Variants in CPNE1 observed in about 807,000 individuals in gnomAD.
The protein encoded by CPNE1 is copine 1.
In CPNE1, 58 loss-of-function variants were observed where a neutral mutation model predicts 63.2. The ratio of observed to expected loss-of-function variants is 0.92; its 90% CI spans 0.74 to 1.14. CPNE1 has a LOEUF of 1.14. Ranked by LOEUF, CPNE1 falls within the 50% of genes most tolerant of loss-of-function variation. The pLI, the probability that CPNE1 is intolerant of heterozygous loss-of-function variation, is 0.00. For missense variants in CPNE1, 672 were observed against 661.7 expected (o/e 1.02, Z -0.17); for synonymous variants, 237 against 249.0 (o/e 0.95, Z 0.45).
chr20:35,640,622 C>G (rs1452632638), intron 1 of CPNE1, among the ~76,000 whole-genome samples: 1 of 152,064 alleles, frequency 6.6e-6, no homozygotes, highest in Non-Finnish European at 1.5e-5. Flanking sequence ...CCAACAAAAC[C>G]CCAATTCTTA....
At chr20:35,658,122 G>C (rs1177647201) in intron 1 of CPNE1, among the ~76,000 whole-genome samples, 1 of 152,034 alleles carries the variant, frequency 6.6e-6, no homozygotes, top group Non-Finnish European at 1.5e-5. Flanking sequence ...CTGTTACTAA[G>C]TAACTGTTTG....
At chr20:35,629,132 G>A (rs1315775173) in intron 13 of CPNE1, among the ~76,000 whole-genome samples, 1 of 152,142 alleles carries the variant, frequency 6.6e-6, no homozygotes, top group Non-Finnish European at 1.5e-5. Flanking sequence ...TGAGAAAAGA[G>A]AAAACAAATG....
chr20:35,640,113 G>C (rs1389285967), intron 1 of CPNE1, among the ~76,000 whole-genome samples: 5 of 143,086 alleles, frequency 3.5e-5, no homozygotes, highest in Non-Finnish European at 7.7e-5. Context: ...TTTCTCATTG[G>C]AATCAACTCT....
chr20:35,646,128 TAAAAAA>T (rs111736754), intron 1 of CPNE1, among the ~76,000 whole-genome samples: 1 of 133,446 alleles, frequency 7.5e-6, no homozygotes, highest in African/African-American at 2.7e-5. Context: ...ACAAAAAAAT[TAAAAAA>T]AAAAAAAAAT....
rs190206510 is a variant in CPNE1 at position 35,626,811 on chromosome 20, C to G, written c.1237-8G>C. On this transcript the variant is annotated splice_polypyrimidine_tract_variant and splice_region_variant and intron_variant, in intron 14 of 15. Transcript: ENST00000397443. ...CAACAGCATGAAGTATTGCTGGGGACAAGCCCATTCATGTCCTGAAGCAGA... is the reference window on the plus strand; with the variant it reads ...CAACAGCATGAAGTATTGCTGGGGAGAAGCCCATTCATGTCCTGAAGCAGA... 6.2e-7 allele frequency: 1 copy of G among 1,608,282 alleles called. No homozygotes were observed. Among genetic ancestry groups the G allele is most frequent in the Non-Finnish European group, 8.5e-7 (1 of 1,174,730 alleles).
intron 1 of CPNE1, among the ~76,000 whole-genome samples, chr20:35,645,946 C>T (rs1248261951): frequency 2.0e-5 from 3 of 151,756 alleles, no homozygotes; most frequent in African/African-American, 7.3e-5. Flanking sequence ...GATTTAAAAC[C>T]TTTTAAGAAA....
At chr20:35,664,498 C>G (rs1453821101) in intron 1 of CPNE1, 1 of 152,316 alleles carries the variant, frequency 6.6e-6, no homozygotes, top group Non-Finnish European at 1.5e-5. Context: ...TGGCCTGCCC[C>G]CTCTCAGACC....
chr20:35,646,960 C>T (rs994081854), intron 1 of CPNE1, among the ~76,000 whole-genome samples: 1 of 152,020 alleles, frequency 6.6e-6, no homozygotes, highest in Non-Finnish European at 1.5e-5. Context: ...TGCCATTTAC[C>T]ACTTCTCTAT....
intron 1 of CPNE1, among the ~76,000 whole-genome samples, chr20:35,658,539 T>C (rs1047191256): frequency 8.3e-4 from 127 of 152,100 alleles, no homozygotes; most frequent in African/African-American, 2.9e-3. Context: ...GGCAGGTGGA[T>C]CACAAGGTCA....
chr20:35,633,028 G>C, intron 1 of CPNE1, 105 bp from the exon 2 acceptor site: 2 of 771,268 alleles, frequency 2.6e-6, no homozygotes, highest in Non-Finnish European at 2.2e-6. Flanking sequence ...AGGCAGGGCT[G>C]AGCATACGTC....
At chr20:35,658,479 C>T (rs769295658) in intron 1 of CPNE1, among the ~76,000 whole-genome samples, 5 of 152,096 alleles carry the variant, frequency 3.3e-5, no homozygotes, top group South Asian at 2.1e-4. Context: ...AAAACCACAC[C>T]GGCCTGGGTG....
intron 12 of CPNE1, 116 bp downstream of exon 12, chr20:35,630,625 C>G (rs1335559985): frequency 4.8e-6 from 7 of 1,451,670 alleles, no homozygotes; most frequent in Non-Finnish European, 6.8e-6. Context: ...CTGCAGGAAT[C>G]CAACCCTGCA....
chr20:35,644,159 A>G (rs2032982069), intron 1 of CPNE1, among the ~76,000 whole-genome samples: 1 of 152,162 alleles, frequency 6.6e-6, no homozygotes, highest in African/African-American at 2.4e-5. Context: ...GTAAGTACCC[A>G]GTGTCAACTG....
chr20:35,631,716 C>A lies in CPNE1; in HGVS notation c.599G>T (p.Cys200Phe). The A allele has an allele frequency of 6.2e-7, 1 of 1,614,112 alleles. No homozygotes were observed. Among genetic ancestry groups the A allele is most frequent in the South Asian group, 1.1e-5 (1 of 91,086 alleles). ...KRFSVPVQHF[C>F]GGNPSTPIQV... Reference sequence around the variant, plus strand: ...GATGGGTGTGCTGGGGTTCCCACCACAGAAATGCTGAACGGGGACTGAGAA... The same window carrying A: ...GATGGGTGTGCTGGGGTTCCCACCAAAGAAATGCTGAACGGGGACTGAGAA... The change falls in exon 7 of 16, where the codon TGT becomes TTT. Residue 200 changes from cysteine to phenylalanine, a missense_variant. Physicochemically the swap from Cys to Phe is radical, Grantham distance 205 (BLOSUM62 -2). Coordinates refer to ENST00000397443, the MANE Select transcript of CPNE1 (RefSeq NM_152925.3).
At chr20:35,634,542 C>T (rs545270984) in intron 1 of CPNE1, among the ~76,000 whole-genome samples, 1 of 151,904 alleles carries the variant, frequency 6.6e-6, no homozygotes, top group African/African-American at 2.4e-5. Context: ...TGAAGTAAGC[C>T]GAGATCGCGC....
chr20:35,627,487 C>A, intron 13 of CPNE1, 74 bp from the exon 14 acceptor site: 1 of 1,498,808 alleles, frequency 6.7e-7, no homozygotes, highest in Non-Finnish European at 9.1e-7. Context: ...ATCACCCCAT[C>A]CCAGCCCAGG....
chr20:35,641,973 G>A (rs1051236609), intron 1 of CPNE1, among the ~76,000 whole-genome samples: 1 of 152,246 alleles, frequency 6.6e-6, no homozygotes, highest in Non-Finnish European at 1.5e-5. Flanking sequence ...GCCTTGGTAA[G>A]TTTAAAACTG....
chr20:35,653,923 T>C, intron 1 of CPNE1: 2 of 1,614,186 alleles, frequency 1.2e-6, no homozygotes, highest in Non-Finnish European at 1.7e-6. Context: ...TGCTTTCCCA[T>C]TGGGTCCATA....
At chr20:35,662,482 A>G (rs2034284867) in intron 1 of CPNE1, among the ~76,000 whole-genome samples, 1 of 152,236 alleles carries the variant, frequency 6.6e-6, no homozygotes, top group South Asian at 2.1e-4. Context: ...CCTTTACTCC[A>G]TGAACATTTA....
Sources: gnomAD v4.1 joint callset for allele counts (sites outside exome capture counted in the v4.1 genomes callset) on GRCh38, gnomAD v4.1.1 for gene constraint, MANE v1.5 for transcripts, NCBI Gene and HGNC (gene_info 2026-07-23, HGNC 2026-07-21) for gene names.